JAG2: variants seen among roughly 807,000 people sequenced by gnomAD.
JAG2 encodes the protein protein jagged-2.
A neutral mutation model predicts 141.7 loss-of-function variants in JAG2; 46 were observed. The ratio of observed to expected loss-of-function variants is 0.32; its 90% CI spans 0.26 to 0.42. The LOEUF (loss-of-function observed/expected upper bound fraction) is 0.42. Among genes scored for constraint, JAG2 ranks in the 10% least tolerant of loss-of-function variants. The probability of loss-of-function intolerance (pLI) is 1.00; values close to 1 mark genes in which losing one functional copy is unlikely to be tolerated. For synonymous variants in JAG2, 862 were observed against 763.5 expected, an observed-to-expected ratio of 1.13 and a Z score of -2.13; for missense variants, 1,500 against 1,817.5, an observed-to-expected ratio of 0.83 and a Z score of 3.18.
chr14:105,157,665 G>T, intron 3 of JAG2, 41 bp downstream of exon 3: 3 of 1,533,290 alleles, frequency 2.0e-6, no homozygotes, highest in Non-Finnish European at 8.8e-7. Flanking sequence ...CAGGCACGCT[G>T]AAGCTGAGAG....
intron 15 of JAG2, 78 bp from the exon 16 acceptor site, chr14:105,148,517 A>G: frequency 1.1e-6 from 1 of 895,890 alleles, no homozygotes. Flanking sequence ...GAAGCACTGG[A>G]GCTGGGCCAG....
chr14:105,166,532 C>T (rs587643658), intron 2 of JAG2, among the ~76,000 whole-genome samples: 44 of 152,324 alleles, frequency 2.9e-4, no homozygotes, highest in African/African-American at 9.6e-4. Context: ...GGATACTCGG[C>T]GGGGTGCTCA....
chr14:105,146,547 C>T lies in JAG2; in HGVS notation c.2594-47G>A, dbSNP rs587713186. 16 of 1,606,414 alleles carry T rather than the reference C, an allele frequency of 1.0e-5. No homozygotes were observed. In the East Asian group the frequency reaches 1.8e-4, roughly 18 times the overall value. ...GGGTCAGCAGTGGGCATCTGGCCCT[C>T]GGGGCTGGGTGTCACCCATGCCCCC... On this transcript the variant is annotated intron_variant, in intron 21 of 25. Transcript: ENST00000331782.
intron 5 of JAG2, among the ~76,000 whole-genome samples, chr14:105,153,291 T>C (rs891622380): frequency 6.6e-6 from 1 of 152,208 alleles, no homozygotes; most frequent in Non-Finnish European, 1.5e-5. Context: ...ATGGGGAAAC[T>C]GAGGCCGGGA....
intron 2 of JAG2, among the ~76,000 whole-genome samples, chr14:105,165,682 G>A (rs1210867868): frequency 6.6e-6 from 1 of 152,182 alleles, no homozygotes; most frequent in African/African-American, 2.4e-5. Flanking sequence ...TCACTCAGGG[G>A]GCAGGGGGTG....
At chr14:105,158,619 C>CGGGACAT (rs1888644881) in intron 2 of JAG2, among the ~76,000 whole-genome samples, 1 of 152,078 alleles carries the variant, frequency 6.6e-6, no homozygotes, top group Non-Finnish European at 1.5e-5. Context: ...GTGGGACCCC[C>CGGGACAT]GGGACATGCC....
Position 105,149,188 on chromosome 14 carries a change from G to A in JAG2, c.1735C>T (p.Pro579Ser), listed in dbSNP as rs1347794537. ...KNCSVPREPC[P>S]GGACRVIDGC... is the part of the protein sequence containing the mutation. ...CCAGCACCTCTGCAGGCCCCGCCAGGGCACGGCTCGCGGGGCACGGAGCAG... is the reference window on the plus strand; with the variant it reads ...CCAGCACCTCTGCAGGCCCCGCCAGAGCACGGCTCGCGGGGCACGGAGCAG... The change falls in exon 13 of 26, where the codon CCT becomes TCT. Residue 579 changes from proline to serine, a missense_variant. By Grantham distance (74) the Pro-to-Ser change is moderately conservative. Around this residue, in one of 3 missense-constraint regions of JAG2, gnomAD observed 875 missense variants for 1,202.2 expected, o/e 0.73. Transcript: ENST00000331782. 2.0e-6 allele frequency: 3 copies of A among 1,521,168 alleles called. No homozygotes were observed. Among genetic ancestry groups the A allele is most frequent in the Non-Finnish European group, 2.7e-6 (3 of 1,124,802 alleles). 94.2% of individuals were successfully genotyped at this position (1,521,168 alleles called of 1,614,324 possible). A position where few individuals can be genotyped will look rare whatever the true frequency, so the allele number is the denominator to read the frequency against.
chr14:105,151,503 G>A (rs1888431019), intron 8 of JAG2, 107 bp from the exon 9 acceptor site: 11 of 1,351,626 alleles, frequency 8.1e-6, no homozygotes, highest in South Asian at 7.4e-5. Flanking sequence ...ATTTGTCCTC[G>A]CCAAGCCAGC....
At chr14:105,165,114 A>G (rs751412252) in intron 2 of JAG2, among the ~76,000 whole-genome samples, 1 of 152,176 alleles carries the variant, frequency 6.6e-6, no homozygotes, top group Non-Finnish European at 1.5e-5. Flanking sequence ...CTGGCTCCAG[A>G]GATGGGCCAG....
At position 105,142,675 on chromosome 14, in the gene JAG2, G is replaced by A. The variant is rs750407380; in HGVS notation, c.*20C>T. 7.9e-5 allele frequency: 125 copies of A among 1,573,530 alleles called. No individual in the cohort carries two copies. The East Asian group carries it at 1.0e-3, about 13-fold the overall frequency. On this transcript the variant is annotated 3_prime_UTR_variant, in exon 26 of 26. Coordinates refer to ENST00000331782, the MANE Select transcript of JAG2 (RefSeq NM_002226.5). ...GCTCCCACCGAGGGCCCTGGGTCCC[G>A]GCCCAGCTGGCAGCCGCCCCTACTC...
rs775152211 is a variant in JAG2, at chr14:105,151,995, G to T, written c.982C>A (p.Pro328Thr). ...TNGGTCINAE[P>T]DQYRCTCPDG... ...GGGCAGGTGCAGCGGTACTGGTCAG[G>T]CTCGGCGTTGATGCACGTGCCTCCG... Residue 328 changes from proline (P) to threonine (T), a missense_variant, in exon 7 of 26, where the codon CCT becomes ACT. By Grantham distance (38) the Pro-to-Thr change is conservative. Around this residue, in one of 3 missense-constraint regions of JAG2, gnomAD observed 875 missense variants for 1,202.2 expected, o/e 0.73. Coordinates refer to ENST00000331782, the MANE Select transcript of JAG2 (RefSeq NM_002226.5). 1.2e-6 allele frequency: 2 copies of T among 1,613,286 alleles called. No individual in the cohort carries two copies. Among genetic ancestry groups the T allele is most frequent in the African/African-American group, 1.3e-5 (1 of 74,940 alleles).
Position 105,147,860 on chromosome 14 carries a change from G to A in JAG2, c.2277C>T (p.Pro759=). 2 of 1,553,190 alleles carry A rather than the reference G, an allele frequency of 1.3e-6. No individual in the cohort carries two copies. Among genetic ancestry groups the A allele is most frequent in the South Asian group, 1.2e-5 (1 of 84,198 alleles). The change falls in exon 18 of 26, where the codon CCC becomes CCT. Residue 759 remains proline, a synonymous_variant. Coordinates refer to ENST00000331782, the MANE Select transcript of JAG2 (RefSeq NM_002226.5). ...CCACGCAGGTGCCACCATTCACACA[G>A]GGGTTGGGCAGGCAGCTGCTGTTCT... ...VAKNSSCLPN[P]CVNGGTCVGS...
intron 18 of JAG2, 115 bp from the exon 19 acceptor site, chr14:105,147,642 G>A (rs1595174742): frequency 5.8e-6 from 7 of 1,212,966 alleles, no homozygotes; most frequent in Non-Finnish European, 8.4e-6. Flanking sequence ...TCATCAAGGA[G>A]GGTGCCTTTT....
At position 105,144,968 on chromosome 14, in the gene JAG2, G is replaced by C; in HGVS notation, c.3046C>G (p.Arg1016Gly). 6.2e-7 allele frequency: 1 copy of C among 1,605,650 alleles called. No individual in the cohort carries two copies. Among genetic ancestry groups the C allele is most frequent in the Non-Finnish European group, 8.5e-7 (1 of 1,178,664 alleles). The change falls in exon 24 of 26, where the codon CGG becomes GGG. Residue 1016 changes from arginine (R) to glycine (G), a missense_variant. Physicochemically the swap from Arg to Gly is moderately radical, Grantham distance 125. Transcript: ENST00000331782. ...RDRLLVLLCD[R>G]ASSGASAVEV... is the part of the protein sequence containing the mutation. Reference sequence around the variant, plus strand: ...ACAGCACTGGCCCCCGAGGACGCCCGGTCGCAAAGCAACACCAGCAGGCGG... The same window carrying C: ...ACAGCACTGGCCCCCGAGGACGCCCCGTCGCAAAGCAACACCAGCAGGCGG...
intron 2 of JAG2, among the ~76,000 whole-genome samples, chr14:105,163,496 C>T (rs1351090252): frequency 6.6e-6 from 1 of 152,218 alleles, no homozygotes; most frequent in Non-Finnish European, 1.5e-5. Flanking sequence ...CAGGGTACAA[C>T]TGATGCCAGC....
At position 105,141,308 on chromosome 14, in the gene JAG2, C is replaced by G. The variant is rs1888053553; in HGVS notation, c.*1387G>C. On this transcript the variant is annotated 3_prime_UTR_variant, in exon 26 of 26. Coordinates refer to ENST00000331782, the MANE Select transcript of JAG2 (RefSeq NM_002226.5). ...TGGAAGGGCTGCTTCTCTCCTGCCT[C>G]CATCAAATGCTGACCTTGCCTCTGA... The G allele has an allele frequency of 6.6e-6, 1 of 152,190 alleles. No homozygotes were observed. The highest frequency in any genetic ancestry group is 1.5e-5 in the Non-Finnish European group (1 of 68,044). 9.4% of individuals were successfully genotyped at this position (152,190 alleles called of 1,614,324 possible).
intron 24 of JAG2, among the ~76,000 whole-genome samples, 161 bp downstream of exon 24, chr14:105,144,769 G>A (rs961417050): frequency 2.0e-4 from 30 of 152,204 alleles, no homozygotes; most frequent in African/African-American, 7.0e-4. Context: ...CAGTTCCACG[G>A]GTCTGCGGCA....
At position 105,143,472 on chromosome 14, in the gene JAG2, C is replaced by T. The variant is rs747637060; in HGVS notation, c.3241+10G>A. ...TGGTGCCTTCCCAGGGGCCCACCTC[C>T]CGCGCTTACCTGTGGAAGAGCCGCC... On this transcript the variant is annotated intron_variant, in intron 25 of 25. Transcript: ENST00000331782. The T allele has an allele frequency of 1.9e-6, 3 of 1,545,834 alleles. No homozygotes were observed. Among genetic ancestry groups the T allele is most frequent in the South Asian group, 2.4e-5 (2 of 84,166 alleles).
At position 105,168,069 on chromosome 14, in the gene JAG2, G is replaced by A; in HGVS notation, c.105C>T (p.Ser35=). 1 of 1,588,750 alleles carries A rather than the reference G, an allele frequency of 6.3e-7. No individual in the cohort carries two copies. The highest frequency in any genetic ancestry group is 1.1e-5 in the South Asian group (1 of 90,032). ...GCTCCCCGTTCACGTTCCGCAGCGC[G>A]CTCAGCTGCAGCTCGAAATAGCCCA... ...RPMGYFELQL[S]ALRNVNGELL... Residue 35 remains serine (S), a synonymous_variant, in exon 2 of 26, where the codon AGC becomes AGT. Transcript: ENST00000331782.
Sources: gnomAD v4.1 joint callset for allele counts (sites outside exome capture counted in the v4.1 genomes callset) on GRCh38, gnomAD v4.1.1 for gene constraint, gnomAD v4.1.1 regional missense constraint, MANE v1.5 for transcripts, NCBI Gene and HGNC (gene_info 2026-07-23, HGNC 2026-07-21) for gene names.